ULK1: variants seen among roughly 807,000 people sequenced by gnomAD.
The protein encoded by ULK1 is serine/threonine-protein kinase ULK1.
A neutral mutation model predicts 117.5 loss-of-function variants in ULK1; 48 were observed. That is an observed-to-expected ratio of 0.41 (90% CI 0.32 to 0.52). The LOEUF is 0.52. Ranked by LOEUF, ULK1 falls within the 20% of genes least tolerant of loss-of-function variation. The probability of loss-of-function intolerance (pLI) is 0.29; values close to 1 mark genes in which losing one functional copy is unlikely to be tolerated. For synonymous variants in ULK1, 790 were observed against 637.8 expected, an observed-to-expected ratio of 1.24 and a Z score of -3.60; for missense variants, 1,387 against 1,473.4, an observed-to-expected ratio of 0.94 and a Z score of 0.96.
At chr12:131,915,048 G>T in intron 16 of ULK1, 35 bp from the exon 17 acceptor site, 1 of 1,518,098 alleles carries the variant, frequency 6.6e-7, no homozygotes, top group Non-Finnish European at 8.8e-7. Flanking sequence ...CAGGGCTGCT[G>T]AGGCCTCCCC....
chr12:131,917,443 C>T lies in ULK1; in HGVS notation c.2215C>T (p.Pro739Ser). The T allele has an allele frequency of 6.5e-7, 1 of 1,543,346 alleles. No individual in the cohort carries two copies. Among genetic ancestry groups the T allele is most frequent in the Non-Finnish European group, 8.7e-7 (1 of 1,145,202 alleles). ...AGCTGGCTTTGGAGGGAGCCTGCAC[C>T]CAGGAGCCCGTGCTGGGGGCACCAG... ...PSAGFGGSLH[P>S]GARAGGTSSP... Residue 739 changes from proline (P) to serine (S), a missense_variant, in exon 22 of 28, where the codon CCA becomes TCA. By Grantham distance (74) the Pro-to-Ser change is moderately conservative. This residue lies in a region of ULK1 where 900 missense variants were observed against 858.9 expected (regional missense o/e 1.05). Coordinates refer to ENST00000321867, the MANE Select transcript of ULK1 (RefSeq NM_003565.4).
At chr12:131,911,110 C>T (rs1889515219) in intron 12 of ULK1, among the ~76,000 whole-genome samples, 1 of 152,198 alleles carries the variant, frequency 6.6e-6, no homozygotes, top group Admixed American at 6.5e-5. Context: ...CCCTGGCCTC[C>T]CTCGTGTCTT....
At chr12:131,909,627 A>G in intron 8 of ULK1, 148 bp from the exon 9 acceptor site, 1 of 801,904 alleles carries the variant, frequency 1.2e-6, no homozygotes, top group Non-Finnish European at 1.9e-6. Flanking sequence ...TCATACCTCC[A>G]GCAGCAAACA....
chr12:131,906,545 C>T (rs913089129), intron 3 of ULK1: 4 of 311,290 alleles, frequency 1.3e-5, no homozygotes, highest in Admixed American at 4.6e-5. Flanking sequence ...TGATCCTGGG[C>T]TGAGGAGCTG....
rs1392967702 is a variant in ULK1 at position 131,917,037 on chromosome 12, C to G, written c.2157C>G (p.Ser719Arg). Reference sequence around the variant, plus strand: ...CCCCGGACCCGGGCAGCACGGAGAGCCTGCAGGAGAAGCCCATGGAGATCG... The same window carrying G: ...CCCCGGACCCGGGCAGCACGGAGAGGCTGCAGGAGAAGCCCATGGAGATCG... ...TQAPDPGSTE[S>R]LQEKPMEIAP... The change falls in exon 21 of 28, where the codon AGC becomes AGG. Residue 719 changes from serine (S) to arginine (R), a missense_variant. Coordinates refer to ENST00000321867, the MANE Select transcript of ULK1 (RefSeq NM_003565.4). 2 of 1,394,346 alleles carry G rather than the reference C, an allele frequency of 1.4e-6. No homozygotes were observed. Among genetic ancestry groups the G allele is most frequent in the East Asian group, 3.2e-5 (1 of 31,214 alleles). 86.4% of individuals were successfully genotyped at this position (1,394,346 alleles called of 1,614,324 possible).
In ULK1 at chr12:131,921,289, C is replaced by A; in HGVS notation, c.3098-17C>A. The A allele has an allele frequency of 6.2e-7, 1 of 1,608,138 alleles. No homozygotes were observed. The stretch of plus-strand genomic sequence containing the variant: ...GGACTCTGGGCGTCTCCCTCACACT[C>A]CCCTCTCCCTCCACAGGCAAGCTGT... On this transcript the variant is annotated splice_polypyrimidine_tract_variant and intron_variant, in intron 27 of 27. Coordinates refer to ENST00000321867, the MANE Select transcript of ULK1 (RefSeq NM_003565.4).
intron 18 of ULK1, 89 bp downstream of exon 18, chr12:131,915,510 A>C: frequency 6.9e-7 from 1 of 1,446,092 alleles, no homozygotes; most frequent in South Asian, 1.3e-5. Context: ...GCTCTTTCCA[A>C]GTGAAAAGGA....
At chr12:131,905,688 G>A (rs1811170646) in intron 3 of ULK1, among the ~76,000 whole-genome samples, 1 of 152,124 alleles carries the variant, frequency 6.6e-6, no homozygotes, top group African/African-American at 2.4e-5. Flanking sequence ...TGGCTTCCTG[G>A]GCCTCACTCT....
chr12:131,908,359 G>A (rs1191661107), intron 5 of ULK1, among the ~76,000 whole-genome samples: 1 of 152,124 alleles, frequency 6.6e-6, no homozygotes. Context: ...GGGCGGAACC[G>A]CGGTGGCACT....
At chr12:131,900,770 A>G (rs1024773111) in intron 3 of ULK1, among the ~76,000 whole-genome samples, 3 of 152,236 alleles carry the variant, frequency 2.0e-5, no homozygotes, top group African/African-American at 7.2e-5. Flanking sequence ...GACCTGAGTC[A>G]AGAGGTGTCC....
intron 3 of ULK1, chr12:131,906,527 G>C (rs1889283449): frequency 3.8e-6 from 1 of 265,138 alleles, no homozygotes; most frequent in Non-Finnish European, 7.3e-6. Context: ...CAGCCCTGTT[G>C]GCGTCTTTGA....
At chr12:131,910,838 C>T in intron 12 of ULK1, 38 bp downstream of exon 12, 4 of 1,610,288 alleles carry the variant, frequency 2.5e-6, no homozygotes, top group Non-Finnish European at 3.4e-6. Flanking sequence ...GCTTCTCCCT[C>T]CACTCAGCAG....
In ULK1 at chr12:131,894,803, G is replaced by A. The variant is rs1256529028; in HGVS notation, c.-199G>A. On this transcript the variant is annotated 5_prime_UTR_variant, in exon 1 of 28. Transcript: ENST00000321867. ...AGGCGCCGGAGGGAGCGCGACCCTC[G>A]GACCCCGCCTGGCCCGCGGGGCTGG... 1 of 150,014 alleles carries A rather than the reference G, an allele frequency of 6.7e-6. No individual in the cohort carries two copies. The highest frequency in any genetic ancestry group is 1.5e-5 in the Non-Finnish European group (1 of 67,848). 9.3% of individuals were successfully genotyped at this position (150,014 alleles called of 1,614,324 possible). A position where few individuals can be genotyped will look rare whatever the true frequency, so the allele number is the denominator to read the frequency against.
At position 131,902,200 on chromosome 12, in the gene ULK1, G is replaced by T. The variant is rs566946518; in HGVS notation, c.247-4692G>T. Among the ~76,000 whole-genome samples, 7 of 152,290 alleles carry T rather than the reference G, an allele frequency of 4.6e-5. No homozygotes were observed. In the South Asian group the frequency reaches 1.4e-3, roughly 32 times the overall value. ...CTTTTGGGAGCTGTCCAGGAGCCCC[G>T]CCTGGGGGTGCAGAGTGGTTCTGTC... On this transcript the variant is annotated intron_variant, in intron 3 of 27. Coordinates refer to ENST00000321867, the MANE Select transcript of ULK1 (RefSeq NM_003565.4). This position sits in a 1 kb window ranked among gnomAD's most constrained non-coding sequence, Gnocchi z 6.3.
At chr12:131,895,185 C>A in intron 1 of ULK1, 73 bp downstream of exon 1, 2 of 1,174,050 alleles carry the variant, frequency 1.7e-6, no homozygotes, top group South Asian at 3.2e-5. Flanking sequence ...CGAGATTCCC[C>A]GCCTGTCCCG....
At chr12:131,921,036 GGCA>G in intron 26 of ULK1, 61 bp from the exon 27 acceptor site, 1 of 1,515,732 alleles carries the variant, frequency 6.6e-7, no homozygotes, top group Non-Finnish European at 8.8e-7. Context: ...GTGGGTGCAG[GGCA>G]GCCCTTGCTG....
At chr12:131,917,999 G>A (rs555612149) in intron 22 of ULK1, among the ~76,000 whole-genome samples, 106 of 152,276 alleles carry the variant, frequency 7.0e-4, no homozygotes, top group East Asian at 9.7e-4. Context: ...TCCCCACTGC[G>A]GGTTCTGCCT....
chr12:131,916,907 G>A (rs761003975), intron 20 of ULK1, 46 bp from the exon 21 acceptor site: 3 of 1,544,958 alleles, frequency 1.9e-6, no homozygotes, highest in Non-Finnish European at 2.6e-6. Flanking sequence ...GTCCAGTTAG[G>A]GTGGGGTGGG....
chr12:131,909,870 G>A, intron 9 of ULK1, 37 bp downstream of exon 9: 2 of 1,610,340 alleles, frequency 1.2e-6, no homozygotes, highest in South Asian at 1.1e-5. Flanking sequence ...CTTCCCCCGC[G>A]GGCTCCGGCC....
Sources: gnomAD v4.1 joint callset for allele counts (sites outside exome capture counted in the v4.1 genomes callset) on GRCh38, gnomAD v4.1.1 for gene constraint, gnomAD v4.1.1 regional missense constraint, Gnocchi (gnomAD v3.1) non-coding constraint, MANE v1.5 for transcripts, NCBI Gene and HGNC (gene_info 2026-07-23, HGNC 2026-07-21) for gene names.